Variants in TCAIM observed in about 807,000 individuals in gnomAD.
TCAIM encodes T cell activation inhibitor, mitochondrial.
TCAIM carries 36 observed loss-of-function variants against 58.6 expected under a neutral mutation model. The ratio of observed to expected loss-of-function variants is 0.61; its 90% CI spans 0.47 to 0.81. TCAIM has a LOEUF of 0.81. Among genes scored for constraint, TCAIM ranks in the 30% least tolerant of loss-of-function variants. The pLI, the probability that TCAIM is intolerant of heterozygous loss-of-function variation, is 0.00. For synonymous variants in TCAIM, 172 were observed against 193.6 expected (o/e 0.89, Z 0.93); for missense variants, 466 against 579.6 (o/e 0.80, Z 2.01).
chr3:44,394,922 ATATATATATATATATATAT>A (rs1325886766), intron 6 of TCAIM, among the ~76,000 whole-genome samples: 2 of 11,646 alleles, frequency 1.7e-4, no homozygotes, highest in Admixed American at 2.0e-3. Context: ...AAAAAAAAAA[ATATATATATATATATATAT>A]ATATATATAT....
Position 44,389,227 on chromosome 3 carries a change from T to C in TCAIM, c.573-3628T>C, listed in dbSNP as rs559408073. ...ATCACTCAAACCCAGGAGGCGGAGG[T>C]TGCAGCGAGCCGAGATCGTGCCACT... is the stretch of plus-strand genomic sequence containing the variant. On this transcript the variant is annotated intron_variant, in intron 5 of 10. Coordinates refer to ENST00000342649, the MANE Select transcript of TCAIM (RefSeq NM_173826.4). Among the ~76,000 whole-genome samples, 4 of 152,174 alleles carry C rather than the reference T, an allele frequency of 2.6e-5. No individual in the cohort carries two copies. The South Asian group carries it at 6.2e-4, about 24-fold the overall frequency.
At chr3:44,383,361 T>C (rs892281743) in intron 5 of TCAIM, among the ~76,000 whole-genome samples, 3 of 152,160 alleles carry the variant, frequency 2.0e-5, no homozygotes, top group African/African-American at 7.2e-5. Flanking sequence ...AGTGGAATGT[T>C]AGCCTTAAAA....
At chr3:44,352,920 C>CTT (rs1259965498) in intron 1 of TCAIM, among the ~76,000 whole-genome samples, 1 of 115,884 alleles carries the variant, frequency 8.6e-6, no homozygotes, top group Non-Finnish European at 1.8e-5. Context: ...TTCAGATTGA[C>CTT]TTCTTTTTTT....
Position 44,407,522 on chromosome 3 carries a change from T to C in TCAIM, c.1331T>C (p.Ile444Thr), listed in dbSNP as rs2125660313. 6.2e-7 allele frequency: 1 copy of C among 1,613,738 alleles called. No homozygotes were observed. Among genetic ancestry groups the C allele is most frequent in the East Asian group, 2.2e-5 (1 of 44,828 alleles). ...GAGAAGTTATATAAAGAGCCCAGCA[T>C]TTCTAGTATACAAATGGTGGATTGT... is the stretch of plus-strand genomic sequence containing the variant. ...SLEKLYKEPS[I>T]SSIQMVDCCK... The change falls in exon 11 of 11, where the codon ATT (isoleucine) becomes ACT (threonine). Residue 444 changes from isoleucine (I) to threonine (T), a missense_variant. Transcript: ENST00000342649.
chr3:44,365,422 G>A (rs1250533241), intron 4 of TCAIM, among the ~76,000 whole-genome samples: 1 of 151,654 alleles, frequency 6.6e-6, no homozygotes, highest in Non-Finnish European at 1.5e-5. Flanking sequence ...TCTGCCTCCT[G>A]GGTTCAAGTG....
At chr3:44,379,202 T>A (rs1437220446) in intron 5 of TCAIM, among the ~76,000 whole-genome samples, 1 of 150,684 alleles carries the variant, frequency 6.6e-6, no homozygotes, top group African/African-American at 2.5e-5. Context: ...AAAAAAAAAT[T>A]AATTAATAAA....
At chr3:44,344,142 G>C (rs1559557067) in intron 1 of TCAIM, among the ~76,000 whole-genome samples, 1 of 150,926 alleles carries the variant, frequency 6.6e-6, no homozygotes, top group Non-Finnish European at 1.5e-5. Flanking sequence ...CTCCCAAGTA[G>C]CTGGAATTAC....
chr3:44,355,904 A>G (rs1432902026), intron 2 of TCAIM, among the ~76,000 whole-genome samples: 3 of 152,206 alleles, frequency 2.0e-5, no homozygotes, highest in Non-Finnish European at 4.4e-5. Context: ...GGAAATGAGA[A>G]CGGAAGCTCA....
At chr3:44,397,787 CTAA>C (rs1327397043) in intron 8 of TCAIM, among the ~76,000 whole-genome samples, 5 of 152,276 alleles carry the variant, frequency 3.3e-5, no homozygotes, top group African/African-American at 1.2e-4. Context: ...TTGCATTTCT[CTAA>C]TAATAAATAA....
chr3:44,358,896 A>G, intron 3 of TCAIM: 23 of 985,388 alleles, frequency 2.3e-5, no homozygotes, highest in Non-Finnish European at 2.8e-5. Flanking sequence ...GCTTCTAGGA[A>G]AATATTCTGA....
intron 4 of TCAIM, among the ~76,000 whole-genome samples, chr3:44,363,261 A>G (rs564029927): frequency 6.6e-6 from 1 of 152,222 alleles, no homozygotes; most frequent in Non-Finnish European, 1.5e-5. Context: ...TTCCTAGTCC[A>G]GTGTTTTGAT....
At chr3:44,366,077 C>T (rs1701369379) in intron 4 of TCAIM, among the ~76,000 whole-genome samples, 1 of 152,152 alleles carries the variant, frequency 6.6e-6, no homozygotes, top group Admixed American at 6.5e-5. Context: ...TAAGCCCTGG[C>T]TTCATTCTTA....
At chr3:44,367,053 C>T (rs931209348) in intron 4 of TCAIM, among the ~76,000 whole-genome samples, 1 of 152,150 alleles carries the variant, frequency 6.6e-6, no homozygotes, top group Admixed American at 6.5e-5. Context: ...ACTGCTGTCA[C>T]AGTGTACACT....
chr3:44,358,167 T>C, intron 3 of TCAIM: 1 of 1,542,458 alleles, frequency 6.5e-7, no homozygotes. Context: ...GAAAGAAAAC[T>C]TGAGACCTTT....
intron 1 of TCAIM, among the ~76,000 whole-genome samples, chr3:44,342,794 TAA>T: frequency 6.6e-6 from 1 of 151,738 alleles, no homozygotes; most frequent in South Asian, 2.1e-4. Context: ...AGTGCATATA[TAA>T]GTCTTTCCCC....
In TCAIM at chr3:44,361,411, A is replaced by T; in HGVS notation, c.212A>T (p.Asn71Ile). The change falls in exon 4 of 11, where the codon AAC becomes ATC. Residue 71 changes from asparagine (N) to isoleucine (I), a missense_variant. By Grantham distance (149) the Asn-to-Ile change is moderately radical. Transcript: ENST00000342649. ...SLKRLSVYLE[N>I]LQKPGFKSLK... ...AAAAGGTTAAGTGTCTACCTAGAAA[A>T]CCTCCAGAAACCAGGCTTCAAGTCT... is the stretch of plus-strand genomic sequence containing the variant. 1 of 1,612,512 alleles carries T rather than the reference A, an allele frequency of 6.2e-7. No individual in the cohort carries two copies. The highest frequency in any genetic ancestry group is 8.5e-7 in the Non-Finnish European group (1 of 1,179,480).
intron 5 of TCAIM, among the ~76,000 whole-genome samples, chr3:44,372,517 TGGTAATTCTGCC>T (rs1277205843): frequency 1.6e-4 from 25 of 152,290 alleles, no homozygotes; most frequent in Non-Finnish European, 2.8e-4. Context: ...AGCATAAAAA[TGGTAATTCTGCC>T]CATTTATATC....
intron 2 of TCAIM, among the ~76,000 whole-genome samples, chr3:44,356,833 G>T (rs1253212066): frequency 6.7e-6 from 1 of 150,146 alleles, no homozygotes; most frequent in East Asian, 2.0e-4. Flanking sequence ...AAAAACAGTC[G>T]GCGGTAGTGG....
chr3:44,339,007 A>G (rs1370645304), intron 1 of TCAIM, among the ~76,000 whole-genome samples, 173 bp downstream of exon 1: 1 of 152,154 alleles, frequency 6.6e-6, no homozygotes, highest in Non-Finnish European at 1.5e-5. Flanking sequence ...CTCGCTGTGA[A>G]ATGAGAACGC....
Sources: gnomAD v4.1 joint callset for allele counts (sites outside exome capture counted in the v4.1 genomes callset) on GRCh38, gnomAD v4.1.1 for gene constraint, MANE v1.5 for transcripts, NCBI Gene and HGNC (gene_info 2026-07-23, HGNC 2026-07-21) for gene names.